EN2: variants seen among roughly 807,000 people sequenced by gnomAD.
EN2 encodes homeobox protein engrailed-2.
EN2 carries 7 observed loss-of-function variants against 25.0 expected under a neutral mutation model. The observed-to-expected ratio is 0.28, with a 90% CI of 0.16 to 0.53. The LOEUF (loss-of-function observed/expected upper bound fraction) is 0.53. Among genes scored for constraint, EN2 ranks in the 20% least tolerant of loss-of-function variants. The probability of loss-of-function intolerance (pLI) is 0.96; values close to 1 mark genes in which losing one functional copy is unlikely to be tolerated. For synonymous variants in EN2, 277 were observed against 243.3 expected, an observed-to-expected ratio of 1.14 and a Z score of -1.29; for missense variants, 524 against 501.8, an observed-to-expected ratio of 1.04 and a Z score of -0.42.
Position 155,464,234 on chromosome 7 carries a change from TAC to T in EN2, c.*1548_*1549del, listed in dbSNP as rs1410804534. ...TATATTCAATATATTTCCCACCAAGTACCTATATATGTATATAAACAAACACA... is the reference window on the plus strand; with the variant it reads ...TATATTCAATATATTTCCCACCAAGTCTATATATGTATATAAACAAACACA... On this transcript the variant is annotated 3_prime_UTR_variant, in exon 2 of 2. Coordinates refer to ENST00000297375, the MANE Select transcript of EN2 (RefSeq NM_001427.4). 6.6e-6 allele frequency: 1 copy of T among 152,240 alleles called. No individual in the cohort carries two copies. The highest frequency in any genetic ancestry group is 1.5e-5 in the Non-Finnish European group (1 of 68,040). The allele number at this position is 152,240 out of a possible 1,614,324, so 9.4% of individuals were successfully genotyped here. A position where few individuals can be genotyped will look rare whatever the true frequency, so the allele number is the denominator to read the frequency against.
At chr7:155,461,306 G>C (rs981405449) in intron 1 of EN2, among the ~76,000 whole-genome samples, 1 of 152,248 alleles carries the variant, frequency 6.6e-6, no homozygotes, top group African/African-American at 2.4e-5. Context: ...CAGTGGCCTT[G>C]CCCCCTTCTT....
In EN2 at chr7:155,462,817, A is replaced by G. The variant is rs1585269452; in HGVS notation, c.*130A>G. 5 of 1,146,070 alleles carry G rather than the reference A, an allele frequency of 4.4e-6. No homozygotes were observed. In the East Asian group the frequency reaches 1.3e-4, roughly 30 times the overall value. The allele number at this position is 1,146,070 out of a possible 1,614,324, so 71.0% of individuals were successfully genotyped here. ...ATATTGTGTATTAGCTAAGGTTCTG[A>G]AATATTCTATGTATATATCATTTAC... On this transcript the variant is annotated 3_prime_UTR_variant, in exon 2 of 2. Transcript: ENST00000297375.
Position 155,458,510 on chromosome 7 carries a change from C to T in EN2, c.133C>T (p.Arg45Trp). The T allele has an allele frequency of 2.3e-6, 3 of 1,329,070 alleles. No individual in the cohort carries two copies. The highest frequency in any genetic ancestry group is 3.1e-5 in the East Asian group (1 of 32,206). 82.3% of individuals were successfully genotyped at this position (1,329,070 alleles called of 1,614,324 possible). ...CCCGGGCGAAGCGGACACCGGGCGC[C>T]GGCGGGCTCTGATGCTGCCCGCGGT... ...SSPGEADTGR[R>W]RALMLPAVLQ... The change falls in exon 1 of 2, where the codon CGG (arginine) becomes TGG (tryptophan). Residue 45 changes from arginine to tryptophan, a missense_variant. By Grantham distance (101) the Arg-to-Trp change is moderately radical. Transcript: ENST00000297375.
Position 155,458,650 on chromosome 7 carries a change from C to A in EN2, c.273C>A (p.Gly91=). ...RRKDAGTCCA[G]AGGGRGGGAG... Reference sequence around the variant, plus strand: ...AGGACGCGGGGACCTGCTGTGCGGGCGCGGGAGGAGGAAGGGGCGGCGGAG... The same window carrying A: ...AGGACGCGGGGACCTGCTGTGCGGGAGCGGGAGGAGGAAGGGGCGGCGGAG... Residue 91 remains glycine, a synonymous_variant, in exon 1 of 2, where the codon GGC becomes GGA. Transcript: ENST00000297375. 2 of 1,404,958 alleles carry A rather than the reference C, an allele frequency of 1.4e-6. No individual in the cohort carries two copies. The highest frequency in any genetic ancestry group is 1.5e-5 in the African/African-American group (1 of 66,076). The allele number at this position is 1,404,958 out of a possible 1,614,324, so 87.0% of individuals were successfully genotyped here. A position where few individuals can be genotyped will look rare whatever the true frequency, so the allele number is the denominator to read the frequency against.
At position 155,459,010 on chromosome 7, in the gene EN2, G is replaced by A; in HGVS notation, c.633G>A (p.Met211Ile). 6.4e-7 allele frequency: 1 copy of A among 1,573,200 alleles called. No homozygotes were observed. Among genetic ancestry groups the A allele is most frequent in the East Asian group, 2.4e-5 (1 of 42,240 alleles). Residue 211 changes from methionine (M) to isoleucine (I), a missense_variant, in exon 1 of 2, where the codon ATG becomes ATA. By Grantham distance (10) the Met-to-Ile change is conservative. Transcript: ENST00000297375. ...QAGANLGAQPMLWPAWVYCTR... is the reference protein window; with the variant it reads ...QAGANLGAQPILWPAWVYCTR... ...GCGCCAACCTGGGCGCGCAGCCCAT[G>A]CTCTGGCCGGCGTGGGTCTACTGTA... is the stretch of plus-strand genomic sequence containing the variant.
chr7:155,460,964 C>G (rs1028079554), intron 1 of EN2, among the ~76,000 whole-genome samples: 1 of 152,192 alleles, frequency 6.6e-6, no homozygotes, highest in Admixed American at 6.5e-5. Flanking sequence ...CCAGGCCTGT[C>G]TCCTGGAGAG....
rs1343419953 is a variant in EN2, at chr7:155,458,690, G to T, written c.313G>T (p.Gly105Cys). 2 of 1,341,182 alleles carry T rather than the reference G, an allele frequency of 1.5e-6. No homozygotes were observed. Among genetic ancestry groups the T allele is most frequent in the Non-Finnish European group, 1.9e-6 (2 of 1,053,384 alleles). 83.1% of individuals were successfully genotyped at this position (1,341,182 alleles called of 1,614,324 possible). A position where few individuals can be genotyped will look rare whatever the true frequency, so the allele number is the denominator to read the frequency against. The change falls in exon 1 of 2, where the codon GGC (glycine) becomes TGC (cysteine). Residue 105 changes from glycine (G) to cysteine (C), a missense_variant. By Grantham distance (159) the Gly-to-Cys change is radical. Coordinates refer to ENST00000297375, the MANE Select transcript of EN2 (RefSeq NM_001427.4). ...GGGCGGCGGAGCCGGCGGCGAAGGCGGCGCGAGCGGTGCGGAGGGAGGCGG... is the reference window on the plus strand; with the variant it reads ...GGGCGGCGGAGCCGGCGGCGAAGGCTGCGCGAGCGGTGCGGAGGGAGGCGG... ...GRGGGAGGEG[G>C]ASGAEGGGGA...
chr7:155,462,257 A>G (rs1795705028), intron 1 of EN2, 114 bp from the exon 2 acceptor site: 1 of 1,214,232 alleles, frequency 8.2e-7, no homozygotes, highest in African/African-American at 1.5e-5. Flanking sequence ...TTCAGCCTCG[A>G]GTGGCCTTGG....
chr7:155,459,118 G>T, intron 1 of EN2, 56 bp downstream of exon 1: 3 of 1,494,600 alleles, frequency 2.0e-6, no homozygotes, highest in Non-Finnish European at 2.7e-6. Flanking sequence ...CGCGGAGCTG[G>T]GGGGCGGTGC....
intron 1 of EN2, among the ~76,000 whole-genome samples, chr7:155,459,443 A>T (rs1585267861): frequency 6.6e-6 from 1 of 152,092 alleles, no homozygotes. Flanking sequence ...TGGTGGCTGG[A>T]AGATGGGCCC....
chr7:155,459,058 T>C lies in EN2; in HGVS notation c.681T>C (p.Ser227=). ...VYCTRYSDRP[S]SGPRSRKPKK... ...GTACGCGCTACTCGGACCGGCCTTCTTCAGGTGAGCCCGCGGGGACCACGC... is the reference window on the plus strand; with the variant it reads ...GTACGCGCTACTCGGACCGGCCTTCCTCAGGTGAGCCCGCGGGGACCACGC... The change falls in exon 1 of 2, where the codon TCT becomes TCC. Residue 227 remains serine, a synonymous_variant. Coordinates refer to ENST00000297375, the MANE Select transcript of EN2 (RefSeq NM_001427.4). 6.3e-7 allele frequency: 1 copy of C among 1,576,138 alleles called. No individual in the cohort carries two copies. Among genetic ancestry groups the C allele is most frequent in the Non-Finnish European group, 8.5e-7 (1 of 1,170,188 alleles).
chr7:155,462,423 G>T lies in EN2; in HGVS notation c.738G>T (p.Arg246=), dbSNP rs144197066. The T allele has an allele frequency of 6.2e-7, 1 of 1,613,892 alleles. No individual in the cohort carries two copies. The highest frequency in any genetic ancestry group is 8.5e-7 in the Non-Finnish European group (1 of 1,179,992). The change falls in exon 2 of 2, where the codon CGG becomes CGT. Residue 246 remains arginine, a synonymous_variant. Transcript: ENST00000297375. ...AGAACCCGAACAAAGAGGACAAGCG[G>T]CCGCGCACGGCCTTTACCGCCGAGC... is the stretch of plus-strand genomic sequence containing the variant. ...KKKNPNKEDK[R]PRTAFTAEQL... is the part of the protein sequence containing the mutation.
intron 1 of EN2, among the ~76,000 whole-genome samples, chr7:155,461,269 C>A (rs566966015): frequency 6.6e-6 from 1 of 152,242 alleles, no homozygotes; most frequent in Non-Finnish European, 1.5e-5. Context: ...CAAATTGAAA[C>A]CCAGAGGCGA....
At position 155,458,399 on chromosome 7, in the gene EN2, C is replaced by T; in HGVS notation, c.22C>T (p.Pro8Ser). The T allele has an allele frequency of 7.6e-7, 1 of 1,316,072 alleles. No individual in the cohort carries two copies. Among genetic ancestry groups the T allele is most frequent in the Non-Finnish European group, 9.7e-7 (1 of 1,032,092 alleles). The allele number at this position is 1,316,072 out of a possible 1,614,324, so 81.5% of individuals were successfully genotyped here. Reference protein sequence around the residue: MEENDPKPGEAAAAVEGQ... With the variant: MEENDPKSGEAAAAVEGQ... ...CAGCATGGAGGAGAATGACCCCAAG[C>T]CTGGCGAAGCAGCGGCGGCGGTGGA... is the stretch of plus-strand genomic sequence containing the variant. The change falls in exon 1 of 2, where the codon CCT becomes TCT. Residue 8 changes from proline to serine, a missense_variant. By Grantham distance (74) the Pro-to-Ser change is moderately conservative. Transcript: ENST00000297375.
Position 155,458,959 on chromosome 7 carries a change from C to A in EN2, c.582C>A (p.Ser194Arg), listed in dbSNP as rs774741741. The A allele has an allele frequency of 6.5e-6, 10 of 1,529,634 alleles. No individual in the cohort carries two copies. Among genetic ancestry groups the A allele is most frequent in the South Asian group, 1.2e-5 (1 of 83,722 alleles). The allele number at this position is 1,529,634 out of a possible 1,614,324, so 94.8% of individuals were successfully genotyped here. Residue 194 changes from serine (S) to arginine (R), a missense_variant, in exon 1 of 2, where the codon AGC (serine) becomes AGA (arginine). By Grantham distance (110) the Ser-to-Arg change is moderately radical. Coordinates refer to ENST00000297375, the MANE Select transcript of EN2 (RefSeq NM_001427.4). Reference sequence around the variant, plus strand: ...TGGGCGGCGGCGACCTGTCGGTGAGCTCGGACTCGGACAGCTCGCAAGCCG... The same window carrying A: ...TGGGCGGCGGCGACCTGTCGGTGAGATCGGACTCGGACAGCTCGCAAGCCG... ...RGLGGGDLSV[S>R]SDSDSSQAGA...
rs1795731985 is a variant in EN2, at chr7:155,464,156, G to GT, written c.*1475dup. 2 of 152,124 alleles carry GT rather than the reference G, an allele frequency of 1.3e-5. No individual in the cohort carries two copies. The highest frequency in any genetic ancestry group is 2.9e-5 in the Non-Finnish European group (2 of 67,994). 9.4% of individuals were successfully genotyped at this position (152,124 alleles called of 1,614,324 possible). A position where few individuals can be genotyped will look rare whatever the true frequency, so the allele number is the denominator to read the frequency against. ...TTATCATCACTTTTTGTCTTTTCTTGTTTTTTAAAATATACATTTTATTTT... is the reference window on the plus strand; with the variant it reads ...TTATCATCACTTTTTGTCTTTTCTTGTTTTTTTAAAATATACATTTTATTTT... On this transcript the variant is annotated 3_prime_UTR_variant, in exon 2 of 2. Transcript: ENST00000297375.
At chr7:155,460,184 G>T (rs979319722) in intron 1 of EN2, among the ~76,000 whole-genome samples, 1 of 152,176 alleles carries the variant, frequency 6.6e-6, no homozygotes, top group Non-Finnish European at 1.5e-5. Flanking sequence ...CATTGTTCTC[G>T]TCTTCCTCCT....
At chr7:155,461,980 T>C (rs550067571) in intron 1 of EN2, among the ~76,000 whole-genome samples, 111 of 152,276 alleles carry the variant, frequency 7.3e-4, no homozygotes, top group African/African-American at 2.6e-3. Context: ...TCTTCTCTCC[T>C]CCCCTCTCTC....
At chr7:155,460,582 G>T (rs896629596) in intron 1 of EN2, among the ~76,000 whole-genome samples, 1 of 152,206 alleles carries the variant, frequency 6.6e-6, no homozygotes, top group African/African-American at 2.4e-5. Flanking sequence ...TGCTTCATGA[G>T]TGCATTAACA....
Sources: gnomAD v4.1 joint callset for allele counts (sites outside exome capture counted in the v4.1 genomes callset) on GRCh38, gnomAD v4.1.1 for gene constraint, MANE v1.5 for transcripts, NCBI Gene and HGNC (gene_info 2026-07-23, HGNC 2026-07-21) for gene names.